The following CELF2 variants were observed in gnomAD, a reference collection of about 807,000 sequenced individuals.
CELF2 encodes CUG triplet repeat RNA-binding protein 2.
Under a neutral mutation model 62.6 loss-of-function variants are expected in CELF2, and 8 were observed. That is an observed-to-expected ratio of 0.13 (90% CI 0.07 to 0.23). The LOEUF is 0.23. Among genes scored for constraint, CELF2 ranks in the 10% least tolerant of loss-of-function variants. The pLI, the probability that CELF2 is intolerant of heterozygous loss-of-function variation, is 1.00. For synonymous variants in CELF2, 258 were observed against 250.0 expected, an observed-to-expected ratio of 1.03 and a Z score of -0.30; for missense variants, 333 against 671.0, an observed-to-expected ratio of 0.50 and a Z score of 5.56.
chr10:10,561,820 T>A, the CELF2 span, among the ~76,000 whole-genome samples: 2 of 152,088 alleles, frequency 1.3e-5, no homozygotes, highest in African/African-American at 4.8e-5. Context: ...GGACGGACAG[T>A]GGTGGCAGCA....
chr10:11,208,136 G>A (rs1184137034), intron 2 of CELF2, among the ~76,000 whole-genome samples: 1 of 152,032 alleles, frequency 6.6e-6, no homozygotes, highest in Non-Finnish European at 1.5e-5. Context: ...TGTGACTTGG[G>A]GGCAGCCTGC....
chr10:10,860,433 A>C (rs955925149), intron 1 of CELF2, among the ~76,000 whole-genome samples: 14 of 152,016 alleles, frequency 9.2e-5, no homozygotes, highest in African/African-American at 3.4e-4. Flanking sequence ...TGTTTGAAGA[A>C]CTCTCTCTGA....
At chr10:11,103,707 T>A (rs1422010620) in intron 1 of CELF2, among the ~76,000 whole-genome samples, 1 of 152,168 alleles carries the variant, frequency 6.6e-6, no homozygotes, top group Non-Finnish European at 1.5e-5. Flanking sequence ...GTATTGGTTA[T>A]ATTTGTCCTT....
intron 2 of CELF2, among the ~76,000 whole-genome samples, chr10:11,198,239 A>G (rs549925759): frequency 4.6e-5 from 7 of 152,344 alleles, no homozygotes; most frequent in African/African-American, 1.4e-4. Flanking sequence ...GCAGTGTACA[A>G]TTTCAAAAAT....
At chr10:10,562,413 G>A in the CELF2 span, among the ~76,000 whole-genome samples, 3 of 152,318 alleles carry the variant, frequency 2.0e-5, no homozygotes, top group South Asian at 6.2e-4. Flanking sequence ...AGAAATGTTT[G>A]TGTAGTGTTG....
At chr10:11,304,224 G>T (rs78859363) in intron 9 of CELF2, among the ~76,000 whole-genome samples, 8,220 of 152,170 alleles carry the variant, frequency 0.054, 277 homozygotes, top group Middle Eastern at 0.12. Context: ...CAGGCCACCA[G>T]CTTTACTTGG....
At chr10:10,614,405 C>A in the CELF2 span, among the ~76,000 whole-genome samples, 2 of 152,076 alleles carry the variant, frequency 1.3e-5, no homozygotes, top group Non-Finnish European at 2.9e-5. Flanking sequence ...CACCCAGCAG[C>A]CACATCCGGA....
chr10:11,198,316 C>G (rs2058458277), intron 2 of CELF2, among the ~76,000 whole-genome samples: 1 of 152,146 alleles, frequency 6.6e-6, no homozygotes, highest in African/African-American at 2.4e-5. Context: ...TTCAGCAAGC[C>G]CTTTCCCAAA....
chr10:10,863,608 TG>T (rs1249926512), intron 1 of CELF2, among the ~76,000 whole-genome samples: 1 of 152,160 alleles, frequency 6.6e-6, no homozygotes, highest in Non-Finnish European at 1.5e-5. Flanking sequence ...TGCAGTTTTT[TG>T]CCGTCACTTT....
chr10:10,852,589 G>A (rs1030660371), intron 1 of CELF2, among the ~76,000 whole-genome samples: 5 of 152,150 alleles, frequency 3.3e-5, no homozygotes, highest in Non-Finnish European at 5.9e-5. Context: ...AACACACACA[G>A]ACACCACTGA....
the CELF2 span, among the ~76,000 whole-genome samples, chr10:10,658,025 A>C: frequency 6.6e-6 from 1 of 152,220 alleles, no homozygotes; most frequent in Admixed American, 6.5e-5. Context: ...TTAACATGCC[A>C]CTATGAAACA....
chr10:11,072,118 T>C (rs1206219934), intron 1 of CELF2, among the ~76,000 whole-genome samples: 1 of 152,194 alleles, frequency 6.6e-6, no homozygotes, highest in East Asian at 1.9e-4. Context: ...CAGAGGAAAG[T>C]TGATAGAGGT....
intron 10 of CELF2, chr10:11,320,950 G>A: frequency 1.9e-6 from 3 of 1,541,016 alleles, no homozygotes; most frequent in Non-Finnish European, 2.6e-6. Flanking sequence ...TCTAACTCGT[G>A]CCACAGTGCA....
chr10:10,658,174 A>G, the CELF2 span, among the ~76,000 whole-genome samples: 2 of 152,248 alleles, frequency 1.3e-5, no homozygotes, highest in South Asian at 4.1e-4. Flanking sequence ...CCAAATATTG[A>G]GTCTCAAAAA....
rs1183452375 is a variant in CELF2 at position 11,319,507 on chromosome 10, C to T, written c.1097-1682C>T. Among the ~76,000 whole-genome samples the T allele has an allele frequency of 1.3e-5, 2 of 152,160 alleles. No individual in the cohort carries two copies. The highest frequency in any genetic ancestry group is 2.9e-5 in the Non-Finnish European group (2 of 68,032). ...ACAGTCTGCATCCAAGCTCTTTGGA[C>T]AGCACTTACTTGCATGACCCAAAGA... On this transcript the variant is annotated intron_variant, in intron 10 of 12. Coordinates refer to ENST00000633077, the MANE Select transcript of CELF2 (RefSeq NM_001326342.2). This position sits in a 1 kb window ranked among gnomAD's most constrained non-coding sequence, Gnocchi z 4.4.
At chr10:11,190,546 G>C (rs2076044657) in intron 2 of CELF2, among the ~76,000 whole-genome samples, 1 of 151,720 alleles carries the variant, frequency 6.6e-6, no homozygotes, top group Non-Finnish European at 1.5e-5. Flanking sequence ...ATGGTACGTG[G>C]TTCAAGAAAT....
At chr10:10,712,147 CAAAAAA>C in the CELF2 span, among the ~76,000 whole-genome samples, 719 of 43,410 alleles carry the variant, frequency 0.017, 5 homozygotes, top group Admixed American at 0.025. Flanking sequence ...AGGATAGAGA[CAAAAAA>C]AAAAAAAAAA....
chr10:10,700,034 C>G, the CELF2 span, among the ~76,000 whole-genome samples: 5 of 152,200 alleles, frequency 3.3e-5, no homozygotes, highest in Admixed American at 3.3e-4. Context: ...ATTTCACCCC[C>G]ACTAGGTATC....
At chr10:10,525,838 C>A in the CELF2 span, among the ~76,000 whole-genome samples, 1 of 152,160 alleles carries the variant, frequency 6.6e-6, no homozygotes, top group Admixed American at 6.5e-5. Context: ...TGGATATATA[C>A]CCAGTGGTGG....
Sources: gnomAD v4.1 joint callset for allele counts (sites outside exome capture counted in the v4.1 genomes callset) on GRCh38, gnomAD v4.1.1 for gene constraint, Gnocchi (gnomAD v3.1) non-coding constraint, MANE v1.5 for transcripts, NCBI Gene and HGNC (gene_info 2026-07-23, HGNC 2026-07-21) for gene names.